CDC5L: variants seen among roughly 807,000 people sequenced by gnomAD.
The protein encoded by CDC5L is cell division cycle 5-like protein.
Under a neutral mutation model 104.1 loss-of-function variants are expected in CDC5L, and 18 were observed. The ratio of observed to expected loss-of-function variants is 0.17; its 90% CI spans 0.12 to 0.26. CDC5L has a LOEUF of 0.26. Ranked by LOEUF, CDC5L falls within the 10% of genes least tolerant of loss-of-function variation. The probability of loss-of-function intolerance (pLI) is 1.00; values close to 1 mark genes in which losing one functional copy is unlikely to be tolerated. For missense variants in CDC5L, 673 were observed against 956.9 expected (o/e 0.70, Z 3.91); for synonymous variants, 331 against 322.7 (o/e 1.03, Z -0.28).
Position 44,429,705 on chromosome 6 carries a change from G to A in CDC5L, c.1894-8G>A. On this transcript the variant is annotated splice_polypyrimidine_tract_variant and splice_region_variant and intron_variant, in intron 13 of 15. Coordinates refer to ENST00000371477, the MANE Select transcript of CDC5L (RefSeq NM_001253.4). The stretch of plus-strand genomic sequence containing the variant: ...ACTTAAACTTATTGAAATTATTATT[G>A]TAAACAGGCCCAGGATGTTTTGGTG... 5.0e-6 allele frequency: 8 copies of A among 1,611,968 alleles called. No individual in the cohort carries two copies. The highest frequency in any genetic ancestry group is 6.8e-6 in the Non-Finnish European group (8 of 1,178,336).
chr6:44,445,812 G>T lies in CDC5L; in HGVS notation c.2249G>T (p.Arg750Leu). 2.5e-6 allele frequency: 4 copies of T among 1,613,954 alleles called. No homozygotes were observed. Among genetic ancestry groups the T allele is most frequent in the Non-Finnish European group, 3.4e-6 (4 of 1,179,916 alleles). Reference sequence around the variant, plus strand: ...ATTGAACAGGCTCACTTGGAGTTACGCACTTTTGAAGAACTCAAGAAACAT... The same window carrying T: ...ATTGAACAGGCTCACTTGGAGTTACTCACTTTTGAAGAACTCAAGAAACAT... ...DQIEQAHLELRTFEELKKHED... is the reference protein window; with the variant it reads ...DQIEQAHLELLTFEELKKHED... The change falls in exon 15 of 16, where the codon CGC becomes CTC. Residue 750 changes from arginine to leucine, a missense_variant. By Grantham distance (102) the Arg-to-Leu change is moderately radical. Transcript: ENST00000371477.
chr6:44,387,978 AGGG>A, intron 1 of CDC5L, 110 bp downstream of exon 1: 13 of 1,011,402 alleles, frequency 1.3e-5, no homozygotes, highest in Non-Finnish European at 1.9e-5. Context: ...GTCTGCGTGG[AGGG>A]CAGCCCGGGG....
intron 8 of CDC5L, among the ~76,000 whole-genome samples, chr6:44,415,598 A>G (rs573492960): frequency 1.5e-4 from 23 of 152,136 alleles, no homozygotes; most frequent in Admixed American, 1.2e-3. Context: ...CAGTCGCTGC[A>G]GGGCCAGCCG....
intron 1 of CDC5L, among the ~76,000 whole-genome samples, chr6:44,388,710 A>T: frequency 7.7e-6 from 1 of 129,852 alleles, no homozygotes; most frequent in Admixed American, 9.0e-5. Context: ...TTGCCTTCCT[A>T]GCGCTTGACA....
chr6:44,401,673 C>CTT (rs1791132525), intron 5 of CDC5L, among the ~76,000 whole-genome samples: 1 of 151,332 alleles, frequency 6.6e-6, no homozygotes, highest in Non-Finnish European at 1.5e-5. Context: ...TATTATTATA[C>CTT]TTTAAGTTTT....
In CDC5L at chr6:44,403,941, T is replaced by G. The variant is rs1198715873; in HGVS notation, c.672T>G (p.Phe224Leu). ...IPFEKKPALGFYDTSEENYQA... is the reference protein window; with the variant it reads ...IPFEKKPALGLYDTSEENYQA... ...TTGAAAAAAAGCCTGCCCTTGGTTT[T>G]TATGATACTTCTGAGGAAAACTACC... Residue 224 changes from phenylalanine (F) to leucine (L), a missense_variant, in exon 6 of 16, where the codon TTT (phenylalanine) becomes TTG (leucine). By Grantham distance (22) the Phe-to-Leu change is conservative. Transcript: ENST00000371477. The G allele has an allele frequency of 1.2e-6, 2 of 1,613,848 alleles. No individual in the cohort carries two copies. The highest frequency in any genetic ancestry group is 1.3e-5 in the African/African-American group (1 of 74,910).
chr6:44,422,069 C>G (rs1293252796), intron 9 of CDC5L, among the ~76,000 whole-genome samples: 1 of 152,216 alleles, frequency 6.6e-6, no homozygotes, highest in Non-Finnish European at 1.5e-5. Flanking sequence ...TAGGTTGCTG[C>G]AAAATCTGTG....
At chr6:44,414,708 A>G (rs1184166705) in intron 8 of CDC5L, among the ~76,000 whole-genome samples, 1 of 151,916 alleles carries the variant, frequency 6.6e-6, no homozygotes, top group South Asian at 2.1e-4. Context: ...TAACTTGCAG[A>G]TGTTTCCTCT....
chr6:44,387,899 C>G, intron 1 of CDC5L, 31 bp downstream of exon 1: 1 of 1,552,836 alleles, frequency 6.4e-7, no homozygotes, highest in East Asian at 2.4e-5. Flanking sequence ...GTCCGCTGCC[C>G]GCCGCTCCCT....
chr6:44,441,090 C>T (rs190347359), intron 14 of CDC5L, among the ~76,000 whole-genome samples: 81 of 152,312 alleles, frequency 5.3e-4, no homozygotes, highest in African/African-American at 1.8e-3. Flanking sequence ...AGAACCTATT[C>T]TTCCGTCTAA....
intron 1 of CDC5L, among the ~76,000 whole-genome samples, chr6:44,388,719 C>T (rs1195373014): frequency 6.8e-6 from 1 of 146,754 alleles, no homozygotes; most frequent in Non-Finnish European, 1.5e-5. Flanking sequence ...TAGCGCTTGA[C>T]ATCTTTCTGA....
intron 14 of CDC5L, among the ~76,000 whole-genome samples, chr6:44,439,587 A>G (rs545249110): frequency 4.6e-5 from 7 of 152,352 alleles, no homozygotes; most frequent in African/African-American, 1.7e-4. Flanking sequence ...TTTCCAGGAA[A>G]GGGTCCACAT....
intron 14 of CDC5L, among the ~76,000 whole-genome samples, chr6:44,443,558 A>G (rs1257726723): frequency 3.3e-5 from 5 of 150,038 alleles, no homozygotes; most frequent in Admixed American, 6.7e-5. Flanking sequence ...CTGAGATTAG[A>G]TGGTTTCCAG....
At chr6:44,400,885 A>G (rs946416987) in intron 5 of CDC5L, among the ~76,000 whole-genome samples, 2 of 152,148 alleles carry the variant, frequency 1.3e-5, no homozygotes, top group African/African-American at 4.8e-5. Flanking sequence ...CATAAGTTGC[A>G]CTACAAAGTG....
rs1178038029 is a variant in CDC5L, at chr6:44,393,435, C to T, written c.312-11C>T. 1.9e-6 allele frequency: 3 copies of T among 1,612,288 alleles called. No homozygotes were observed. Among genetic ancestry groups the T allele is most frequent in the Non-Finnish European group, 2.5e-6 (3 of 1,179,046 alleles). On this transcript the variant is annotated splice_polypyrimidine_tract_variant and intron_variant, in intron 3 of 15. Transcript: ENST00000371477. The stretch of plus-strand genomic sequence containing the variant: ...CTGTAGTGTGACTAACTCCTATGGG[C>T]TTTTTTCTAGGGATAAAGCTGCCCA...
chr6:44,391,359 C>T (rs1371722815), intron 2 of CDC5L, among the ~76,000 whole-genome samples: 1 of 152,004 alleles, frequency 6.6e-6, no homozygotes, highest in Non-Finnish European at 1.5e-5. Context: ...CGCCATTCTT[C>T]TGCCATAGCC....
chr6:44,441,029 A>G (rs988712901), intron 14 of CDC5L, among the ~76,000 whole-genome samples: 7 of 152,094 alleles, frequency 4.6e-5, no homozygotes, highest in African/African-American at 1.7e-4. Flanking sequence ...TCTTTTAGCT[A>G]TTTTGAAATA....
At chr6:44,446,548 T>A in intron 15 of CDC5L, 59 bp from the exon 16 acceptor site, 2 of 709,134 alleles carry the variant, frequency 2.8e-6, no homozygotes, top group South Asian at 4.0e-5. Context: ...AATAAAGTAC[T>A]GTAGATTTTT....
intron 14 of CDC5L, among the ~76,000 whole-genome samples, chr6:44,439,308 A>G (rs1319169607): frequency 6.6e-6 from 1 of 152,188 alleles, no homozygotes; most frequent in Admixed American, 6.5e-5. Context: ...TAATGTTGCT[A>G]TGAACATTCG....
Sources: gnomAD v4.1 joint callset for allele counts (sites outside exome capture counted in the v4.1 genomes callset) on GRCh38, gnomAD v4.1.1 for gene constraint, MANE v1.5 for transcripts, NCBI Gene and HGNC (gene_info 2026-07-23, HGNC 2026-07-21) for gene names.